SLC1A2: variants seen among roughly 807,000 people sequenced by gnomAD.
SLC1A2 encodes solute carrier family 1 member 2, also known as excitatory amino acid transporter 2.
In SLC1A2, 15 loss-of-function variants were observed where a neutral mutation model predicts 48.8. That is an observed-to-expected ratio of 0.31 (90% CI 0.21 to 0.47). The LOEUF (loss-of-function observed/expected upper bound fraction) is 0.47, where lower values mean the gene tolerates loss of function less well. Among genes scored for constraint, SLC1A2 ranks in the 20% least tolerant of loss-of-function variants. The pLI, the probability that SLC1A2 is intolerant of heterozygous loss-of-function variation, is 0.99. For missense variants in SLC1A2, 502 were observed against 730.5 expected, an observed-to-expected ratio of 0.69 and a Z score of 3.61; for synonymous variants, 279 against 272.6, an observed-to-expected ratio of 1.02 and a Z score of -0.23.
chr11:35,267,893 TG>T (rs1850147540), intron 9 of SLC1A2, among the ~76,000 whole-genome samples: 1 of 152,240 alleles, frequency 6.6e-6, no homozygotes, highest in African/African-American at 2.4e-5. Context: ...CCTTATCTTA[TG>T]TAAAGTGCTG....
At chr11:35,327,286 G>A (rs1326843876) in intron 1 of SLC1A2, among the ~76,000 whole-genome samples, 1 of 149,432 alleles carries the variant, frequency 6.7e-6, no homozygotes, top group African/African-American at 2.6e-5. Context: ...AAATTATGGT[G>A]TTAGAAGTAA....
chr11:35,408,900 T>A (rs1855379955), intron 1 of SLC1A2, among the ~76,000 whole-genome samples: 2 of 152,220 alleles, frequency 1.3e-5, no homozygotes, highest in Admixed American at 1.3e-4. Flanking sequence ...GATTTGTAAC[T>A]ATTAAAAACA....
At chr11:35,397,420 C>A (rs1590273016) in intron 1 of SLC1A2, among the ~76,000 whole-genome samples, 1 of 146,248 alleles carries the variant, frequency 6.8e-6, no homozygotes, top group African/African-American at 2.5e-5. Context: ...GAAAAACAAG[C>A]AATGGGGAAA....
At chr11:35,317,059 G>C (rs550780940) in intron 2 of SLC1A2, 2 of 275,262 alleles carry the variant, frequency 7.3e-6, no homozygotes, top group African/African-American at 4.2e-5. Flanking sequence ...ACCTAGGTTT[G>C]CTAATATGTA....
chr11:35,300,570 C>T lies in SLC1A2; in HGVS notation c.857+949G>A, dbSNP rs950045106. On this transcript the variant is annotated intron_variant, in intron 6 of 10. Transcript: ENST00000278379. ...CGAGGAATAGGCCCTCCACAGATACCAAATCTGCTAGTACCTTGATCTTGG... is the reference window on the plus strand; with the variant it reads ...CGAGGAATAGGCCCTCCACAGATACTAAATCTGCTAGTACCTTGATCTTGG... Among the ~76,000 whole-genome samples the T allele has an allele frequency of 3.3e-5, 5 of 152,174 alleles. No homozygotes were observed. The East Asian group carries it at 7.7e-4, about 23-fold the overall frequency.
At chr11:35,343,748 A>C (rs1320500727) in intron 1 of SLC1A2, among the ~76,000 whole-genome samples, 1 of 151,568 alleles carries the variant, frequency 6.6e-6, no homozygotes, top group African/African-American at 2.4e-5. Context: ...GTGCACCAGA[A>C]TAATAATAAT....
At chr11:35,397,478 G>A (rs1440505646) in intron 1 of SLC1A2, among the ~76,000 whole-genome samples, 1 of 150,262 alleles carries the variant, frequency 6.7e-6, no homozygotes, top group African/African-American at 2.4e-5. Context: ...CTAGCCATAT[G>A]TAGAAAGCTG....
intron 1 of SLC1A2, among the ~76,000 whole-genome samples, chr11:35,321,676 G>A (rs1399371940): frequency 1.3e-5 from 2 of 152,116 alleles, no homozygotes; most frequent in Non-Finnish European, 2.9e-5. Context: ...ACCAGGAAGA[G>A]GTGAGTTGGA....
chr11:35,276,720 G>GA (rs1850454278), intron 9 of SLC1A2, among the ~76,000 whole-genome samples: 1 of 152,196 alleles, frequency 6.6e-6, no homozygotes, highest in Non-Finnish European at 1.5e-5. Context: ...ACTGGGGCTG[G>GA]AAGACTTGAA....
intron 7 of SLC1A2, among the ~76,000 whole-genome samples, chr11:35,291,043 C>G (rs11033055): frequency 0.26 from 39,115 of 151,916 alleles, 5,153 homozygotes; most frequent in Admixed American, 0.3. Flanking sequence ...CTGCGTCATG[C>G]AGTGGCACCT....
rs765440463 is a variant in SLC1A2, at chr11:35,255,122, G to A, written c.*5772C>T. On this transcript the variant is annotated 3_prime_UTR_variant, in exon 11 of 11. Transcript: ENST00000278379. ...CATCTTGCCCTTGCAAACCTGAAGAGCTGAAGTCTTCTCTGACAACAAAGG... is the reference window on the plus strand; with the variant it reads ...CATCTTGCCCTTGCAAACCTGAAGAACTGAAGTCTTCTCTGACAACAAAGG... 8.7e-5 allele frequency: 23 copies of A among 263,274 alleles called. No homozygotes were observed. The highest frequency in any genetic ancestry group is 1.5e-4 in the Admixed American group (3 of 19,400). 16.3% of individuals were successfully genotyped at this position (263,274 alleles called of 1,614,324 possible). A position where few individuals can be genotyped will look rare whatever the true frequency, so the allele number is the denominator to read the frequency against.
intron 1 of SLC1A2, among the ~76,000 whole-genome samples, chr11:35,393,542 A>C (rs1484404075): frequency 6.6e-6 from 1 of 151,916 alleles, no homozygotes. Context: ...CCCCCTCTTC[A>C]CTTCTTTCCA....
chr11:35,339,818 G>A (rs1443569389), intron 1 of SLC1A2, among the ~76,000 whole-genome samples: 1 of 152,098 alleles, frequency 6.6e-6, no homozygotes, highest in Middle Eastern at 3.2e-3. Flanking sequence ...GCAGCTTCTA[G>A]GGAGAACTGA....
chr11:35,391,687 T>C (rs1451698120), intron 1 of SLC1A2: 2 of 152,256 alleles, frequency 1.3e-5, no homozygotes, highest in Admixed American at 6.5e-5. Flanking sequence ...ACTGCTGTTT[T>C]AGTTTTAGGA....
chr11:35,299,353 C>CTCTCTCTCTCTCTG (rs1554997938), intron 6 of SLC1A2: 1 of 146,884 alleles, frequency 6.8e-6, no homozygotes, highest in South Asian at 2.2e-4. Context: ...CTCTCTCTCT[C>CTCTCTCTCTCTCTG]TGTGTGTGTG....
intron 1 of SLC1A2, among the ~76,000 whole-genome samples, chr11:35,360,424 C>A (rs1853636889): frequency 6.6e-6 from 1 of 152,238 alleles, no homozygotes; most frequent in African/African-American, 2.4e-5. Flanking sequence ...GTAGCTCTGA[C>A]ACCAGATGAC....
intron 1 of SLC1A2, among the ~76,000 whole-genome samples, chr11:35,349,528 C>T (rs1853164383): frequency 6.6e-6 from 1 of 152,124 alleles, no homozygotes; most frequent in South Asian, 2.1e-4. Context: ...TACTCCCTTC[C>T]GTTAGTGAGA....
At chr11:35,336,706 T>C (rs949553087) in intron 1 of SLC1A2, among the ~76,000 whole-genome samples, 7 of 152,228 alleles carry the variant, frequency 4.6e-5, no homozygotes, top group Non-Finnish European at 8.8e-5. Context: ...AAGACTTTAG[T>C]TTGTAGGACT....
intron 9 of SLC1A2, among the ~76,000 whole-genome samples, chr11:35,269,567 C>T (rs1850216954): frequency 6.6e-6 from 1 of 152,206 alleles, no homozygotes; most frequent in Non-Finnish European, 1.5e-5. Context: ...CATTTCCACT[C>T]AAGTGGTTGA....
Sources: gnomAD v4.1 joint callset for allele counts (sites outside exome capture counted in the v4.1 genomes callset) on GRCh38, gnomAD v4.1.1 for gene constraint, MANE v1.5 for transcripts, NCBI Gene and HGNC (gene_info 2026-07-23, HGNC 2026-07-21) for gene names.